RBFOX1: variants seen among roughly 807,000 people sequenced by gnomAD.
RBFOX1 encodes the protein RNA binding protein fox-1 homolog 1.
RBFOX1 carries 8 observed loss-of-function variants against 57.7 expected under a neutral mutation model. The observed-to-expected ratio is 0.14, with a 90% CI of 0.08 to 0.25. The LOEUF is 0.25. Among genes scored for constraint, RBFOX1 ranks in the 10% least tolerant of loss-of-function variants. The probability of loss-of-function intolerance (pLI) is 1.00; values close to 1 mark genes in which losing one functional copy is unlikely to be tolerated. For synonymous variants in RBFOX1, 326 were observed against 222.4 expected (o/e 1.47, Z -4.15); for missense variants, 611 against 548.5 (o/e 1.11, Z -1.14).
At chr16:7,201,606 G>A (rs536260095) in intron 4 of RBFOX1, among the ~76,000 whole-genome samples, 8 of 152,202 alleles carry the variant, frequency 5.3e-5, no homozygotes, top group African/African-American at 1.9e-4. Flanking sequence ...GGGATTACAG[G>A]TGTCCAACAC....
intron 14 of RBFOX1, among the ~76,000 whole-genome samples, chr16:7,691,216 A>T (rs2077244122): frequency 6.6e-6 from 1 of 151,790 alleles, no homozygotes; most frequent in African/African-American, 2.4e-5. Flanking sequence ...TCTGCCTTGA[A>T]ACAGATGTGA....
chr16:5,793,745 G>C (rs1025317358), intron 3 of RBFOX1, among the ~76,000 whole-genome samples: 3 of 151,902 alleles, frequency 2.0e-5, no homozygotes, highest in African/African-American at 2.4e-5. Flanking sequence ...ATGTGCCTTC[G>C]TGTGTGTGTG....
chr16:6,566,809 G>A (rs1033505538), intron 2 of RBFOX1, among the ~76,000 whole-genome samples: 4 of 152,130 alleles, frequency 2.6e-5, no homozygotes, highest in African/African-American at 9.7e-5. Context: ...ATTTCTATCA[G>A]CGTTTTTATC....
intron 10 of RBFOX1, among the ~76,000 whole-genome samples, chr16:7,613,826 A>G (rs770890183): frequency 6.6e-6 from 1 of 152,150 alleles, no homozygotes; most frequent in Admixed American, 6.5e-5. Flanking sequence ...TTTGGATACA[A>G]TAGCATCTGA....
chr16:7,291,798 T>G (rs2095781537), intron 4 of RBFOX1, among the ~76,000 whole-genome samples: 2 of 151,400 alleles, frequency 1.3e-5, no homozygotes, highest in Non-Finnish European at 2.9e-5. Context: ...GCAAAGAGTC[T>G]GATGCAATGG....
At chr16:6,692,814 C>T (rs897460015) in intron 3 of RBFOX1, among the ~76,000 whole-genome samples, 2 of 152,084 alleles carry the variant, frequency 1.3e-5, no homozygotes, top group Non-Finnish European at 2.9e-5. Flanking sequence ...CTATCACTAC[C>T]ATCATCATCA....
chr16:6,736,304 C>T (rs890383976), intron 3 of RBFOX1, among the ~76,000 whole-genome samples: 7 of 152,052 alleles, frequency 4.6e-5, no homozygotes, highest in Non-Finnish European at 7.4e-5. Context: ...TTTTATCCCT[C>T]ACCCCTCTAC....
At chr16:5,956,097 G>A (rs2059633230) in intron 4 of RBFOX1, among the ~76,000 whole-genome samples, 1 of 152,010 alleles carries the variant, frequency 6.6e-6, no homozygotes, top group Non-Finnish European at 1.5e-5. Context: ...CCAACATGGT[G>A]AAACCCCATC....
At chr16:5,659,545 C>T (rs1054604969) in intron 3 of RBFOX1, among the ~76,000 whole-genome samples, 5 of 152,022 alleles carry the variant, frequency 3.3e-5, no homozygotes, top group East Asian at 1.9e-4. Flanking sequence ...CCTTGTGATC[C>T]GTCCGCCTCG....
intron 4 of RBFOX1, among the ~76,000 whole-genome samples, chr16:5,922,600 C>T (rs1380719440): frequency 1.3e-5 from 2 of 152,166 alleles, no homozygotes; most frequent in African/African-American, 2.4e-5. Context: ...CAGTCATCCG[C>T]CCACTCTGGC....
intron 4 of RBFOX1, among the ~76,000 whole-genome samples, chr16:5,955,718 G>A (rs2152282241): frequency 6.6e-6 from 1 of 152,188 alleles, no homozygotes; most frequent in South Asian, 2.1e-4. Context: ...TATAAATTAA[G>A]CTTACAGATA....
intron 4 of RBFOX1, among the ~76,000 whole-genome samples, chr16:7,444,310 A>C (rs1225774236): frequency 6.6e-6 from 1 of 152,038 alleles, no homozygotes; most frequent in Non-Finnish European, 1.5e-5. Flanking sequence ...AGTCCCTAGG[A>C]TTGTGTCAGA....
At chr16:7,398,935 A>T (rs2098189040) in intron 4 of RBFOX1, among the ~76,000 whole-genome samples, 1 of 152,200 alleles carries the variant, frequency 6.6e-6, no homozygotes, top group Non-Finnish European at 1.5e-5. Flanking sequence ...CTTTATAACA[A>T]TAGAAATTTA....
At chr16:6,468,288 A>T (rs3095264) in intron 2 of RBFOX1, among the ~76,000 whole-genome samples, 1 of 151,942 alleles carries the variant, frequency 6.6e-6, no homozygotes, top group South Asian at 2.1e-4. Flanking sequence ...GCTTATAGCA[A>T]GTTACCCAGA....
chr16:7,595,868 G>T (rs145426233), intron 8 of RBFOX1, among the ~76,000 whole-genome samples: 1 of 150,380 alleles, frequency 6.6e-6, no homozygotes, highest in South Asian at 2.1e-4. Context: ...GATGGCAAAC[G>T]TGAGACAAAA....
At chr16:5,630,659 G>A (rs182920814) in intron 3 of RBFOX1, among the ~76,000 whole-genome samples, 23 of 152,144 alleles carry the variant, frequency 1.5e-4, no homozygotes, top group South Asian at 1.5e-3. Context: ...ATCAACCAGC[G>A]TTTCCCAGAG....
rs549260914 is a variant in RBFOX1 at position 6,543,467 on chromosome 16, C to G, written c.-63-111136C>G. ...GAGGCATTTTCTTTCTTGACTCTGA[C>G]ATGTGGCTCAGTTTGGGAACCCACT... is the stretch of plus-strand genomic sequence containing the variant. On this transcript the variant is annotated intron_variant, in intron 2 of 15. Transcript: ENST00000550418. Among the ~76,000 whole-genome samples, 525 of 152,272 alleles carry G rather than the reference C, an allele frequency of 3.4e-3. 6 individuals are homozygous for G. Among genetic ancestry groups the G allele is most frequent in the African/African-American group, 0.012 (508 of 41,570 alleles).
intron 4 of RBFOX1, among the ~76,000 whole-genome samples, chr16:5,877,532 G>GC (rs1405309548): frequency 6.6e-6 from 1 of 152,218 alleles, no homozygotes; most frequent in Non-Finnish European, 1.5e-5. Flanking sequence ...GGGCAGGCGA[G>GC]CCCCACAACT....
chr16:5,660,528 A>G (rs2049611225), intron 3 of RBFOX1, among the ~76,000 whole-genome samples: 1 of 152,202 alleles, frequency 6.6e-6, no homozygotes, highest in Admixed American at 6.5e-5. Flanking sequence ...TAGGTTTATT[A>G]AATCACCCAG....
Sources: allele counts gnomAD v4.1 joint callset (sites outside exome capture counted in the v4.1 genomes callset), GRCh38; gene constraint gnomAD v4.1.1; transcripts MANE v1.5; gene names NCBI Gene and HGNC (gene_info 2026-07-23, HGNC 2026-07-21).